The following ADAMTS2 variants were observed in gnomAD, a reference collection of about 807,000 sequenced individuals.
ADAMTS2 encodes the protein A disintegrin and metalloproteinase with thrombospondin motifs 2.
Under a neutral mutation model 123.0 loss-of-function variants are expected in ADAMTS2, and 50 were observed. The ratio of observed to expected loss-of-function variants is 0.41; its 90% CI spans 0.32 to 0.51. ADAMTS2 has a LOEUF of 0.51. Ranked by LOEUF, ADAMTS2 falls within the 20% of genes least tolerant of loss-of-function variation. The pLI is 0.35. For synonymous variants in ADAMTS2, 678 were observed against 695.4 expected, an observed-to-expected ratio of 0.98 and a Z score of 0.39; for missense variants, 1,494 against 1,705.2, an observed-to-expected ratio of 0.88 and a Z score of 2.18.
chr5:179,241,030 G>C (rs1313058918), intron 3 of ADAMTS2, among the ~76,000 whole-genome samples: 1 of 152,216 alleles, frequency 6.6e-6, no homozygotes, highest in Non-Finnish European at 1.5e-5. Flanking sequence ...TTAATGGCAG[G>C]AGTGAGCTTG....
intron 4 of ADAMTS2, among the ~76,000 whole-genome samples, chr5:179,193,669 C>T (rs1363169800): frequency 2.0e-5 from 3 of 152,206 alleles, no homozygotes; most frequent in Non-Finnish European, 4.4e-5. Flanking sequence ...TTCATTTAGT[C>T]ACTTATTCAT....
chr5:179,205,404 T>C (rs894644516), intron 4 of ADAMTS2, among the ~76,000 whole-genome samples: 1 of 152,226 alleles, frequency 6.6e-6, no homozygotes, highest in Non-Finnish European at 1.5e-5. Flanking sequence ...ACTGACATTA[T>C]CTCATGTAAT....
chr5:179,216,530 C>T (rs1246231794), intron 3 of ADAMTS2, among the ~76,000 whole-genome samples: 1 of 152,160 alleles, frequency 6.6e-6, no homozygotes, highest in African/African-American at 2.4e-5. Flanking sequence ...GCGTGGTCCC[C>T]ACCTGGGCCC....
chr5:179,132,451 G>A lies in ADAMTS2; in HGVS notation c.2210-141C>T. On this transcript the variant is annotated intron_variant, in intron 14 of 21. Transcript: ENST00000251582. This position sits in a 1 kb window ranked among gnomAD's most constrained non-coding sequence, Gnocchi z 6.1. ...ACCCTGGTATTTCTCTGGCTTTGAG[G>A]ACCCACCTGAGAGGGGCCACCAGGA... The A allele has an allele frequency of 2.2e-6, 2 of 917,466 alleles. No individual in the cohort carries two copies. Among genetic ancestry groups the A allele is most frequent in the Non-Finnish European group, 3.4e-6 (2 of 583,846 alleles). 56.8% of individuals were successfully genotyped at this position (917,466 alleles called of 1,614,324 possible). A position where few individuals can be genotyped will look rare whatever the true frequency, so the allele number is the denominator to read the frequency against.
At chr5:179,209,109 C>T (rs977921799) in intron 3 of ADAMTS2, among the ~76,000 whole-genome samples, 3 of 152,230 alleles carry the variant, frequency 2.0e-5, no homozygotes, top group African/African-American at 4.8e-5. Flanking sequence ...GCAGGCGGCA[C>T]GGCCACTCGG....
intron 2 of ADAMTS2, among the ~76,000 whole-genome samples, chr5:179,328,606 C>T (rs1236891915): frequency 6.6e-6 from 1 of 152,190 alleles, no homozygotes; most frequent in Admixed American, 6.5e-5. Flanking sequence ...ACTCTGTTTT[C>T]TCCCTGGGAA....
At chr5:179,329,281 A>G (rs539409763) in intron 2 of ADAMTS2, among the ~76,000 whole-genome samples, 20 of 148,686 alleles carry the variant, frequency 1.3e-4, no homozygotes, top group Non-Finnish European at 2.1e-4. Flanking sequence ...GAGCCGAGAT[A>G]GTGCCACTGC....
intron 3 of ADAMTS2, among the ~76,000 whole-genome samples, chr5:179,209,245 G>A (rs774270591): frequency 2.3e-4 from 35 of 152,256 alleles, no homozygotes; most frequent in South Asian, 1.7e-3. Flanking sequence ...TGGCATCCCA[G>A]CATGGCCGAC....
chr5:179,341,714 CAA>C (rs36096225), intron 2 of ADAMTS2, among the ~76,000 whole-genome samples: 4 of 65,124 alleles, frequency 6.1e-5, no homozygotes, highest in Non-Finnish European at 6.8e-5. Flanking sequence ...GACTCCGTCT[CAA>C]AAAAAAAAAA....
chr5:179,282,291 C>T (rs1167495370), intron 2 of ADAMTS2, among the ~76,000 whole-genome samples: 1 of 152,150 alleles, frequency 6.6e-6, no homozygotes, highest in Non-Finnish European at 1.5e-5. Flanking sequence ...GATCTATGAT[C>T]CATCCATTTA....
intron 3 of ADAMTS2, among the ~76,000 whole-genome samples, chr5:179,208,169 G>C: frequency 6.6e-6 from 1 of 151,744 alleles, no homozygotes; most frequent in Non-Finnish European, 1.5e-5. Context: ...GCCCGATGCT[G>C]GAGTGGGTAG....
intron 3 of ADAMTS2, among the ~76,000 whole-genome samples, chr5:179,219,407 G>A (rs1381464779): frequency 1.3e-5 from 2 of 152,228 alleles, no homozygotes; most frequent in East Asian, 3.8e-4. Context: ...AGCCAAATGT[G>A]CTGGCCTGAG....
chr5:179,345,260 C>T lies in ADAMTS2; in HGVS notation c.69G>A (p.Leu23=). The stretch of plus-strand genomic sequence containing the variant: ...GCGGCGGCGGCAGGAGCGGCGGCGG[C>T]AGCAGCAGCAGCAGCAGCAGCAGCG... The part of the protein sequence containing the change: ...CPALLLLLLL[L]PPPLLPPPPP... The change falls in exon 1 of 22, where the codon CTG becomes CTA. Residue 23 remains leucine (L), a synonymous_variant. Coordinates refer to ENST00000251582, the MANE Select transcript of ADAMTS2 (RefSeq NM_014244.5). The surrounding 1 kb of genome is among the most constrained non-coding windows in gnomAD (Gnocchi z 7.5). 1.0e-6 allele frequency: 1 copy of T among 979,844 alleles called. No homozygotes were observed. Among genetic ancestry groups the T allele is most frequent in the Non-Finnish European group, 1.3e-6 (1 of 797,316 alleles). The allele number at this position is 979,844 out of a possible 1,614,324, so 60.7% of individuals were successfully genotyped here.
rs1756718097 is a variant in ADAMTS2 at position 179,307,669 on chromosome 5, A to C, written c.535-34605T>G. Among the ~76,000 whole-genome samples, 1 of 152,052 alleles carries C rather than the reference A, an allele frequency of 6.6e-6. No individual in the cohort carries two copies. Among genetic ancestry groups the C allele is most frequent in the South Asian group, 2.1e-4 (1 of 4,812 alleles). On this transcript the variant is annotated intron_variant, in intron 2 of 21. Transcript: ENST00000251582. The surrounding 1 kb of genome is among the most constrained non-coding windows in gnomAD (Gnocchi z 5.6). ...TCCCCGCTGATTTCTCCTTCACTCAAGTGCCAGCCGTGGAGATCTCCTCTG... is the reference window on the plus strand; with the variant it reads ...TCCCCGCTGATTTCTCCTTCACTCACGTGCCAGCCGTGGAGATCTCCTCTG...
intron 2 of ADAMTS2, among the ~76,000 whole-genome samples, chr5:179,333,500 A>C (rs1462745649): frequency 6.6e-6 from 1 of 152,092 alleles, no homozygotes; most frequent in Non-Finnish European, 1.5e-5. Flanking sequence ...TGCTGTGCAA[A>C]GCTCCTCAAA....
At chr5:179,192,172 A>T (rs149683894) in intron 4 of ADAMTS2, among the ~76,000 whole-genome samples, 1 of 152,322 alleles carries the variant, frequency 6.6e-6, no homozygotes, top group East Asian at 1.9e-4. Flanking sequence ...AAGGCATGAC[A>T]GAGGGCTGCA....
Position 179,128,174 on chromosome 5 carries a change from A to C in ADAMTS2, c.2458-56T>G. ...GACCTGCCCTCCATGCTTCCTCCCC[A>C]GCCAGCTTAGGAACGGCAGCTGAGG... On this transcript the variant is annotated intron_variant, in intron 16 of 21. Transcript: ENST00000251582. The surrounding 1 kb of genome is among the most constrained non-coding windows in gnomAD (Gnocchi z 4.9). 6.2e-7 allele frequency: 1 copy of C among 1,604,294 alleles called. No homozygotes were observed. The highest frequency in any genetic ancestry group is 8.5e-7 in the Non-Finnish European group (1 of 1,177,940).
chr5:179,129,394 A>G lies in ADAMTS2; in HGVS notation c.2457+538T>C, dbSNP rs1208047074. Among the ~76,000 whole-genome samples, 3 of 152,222 alleles carry G rather than the reference A, an allele frequency of 2.0e-5. No homozygotes were observed. The highest frequency in any genetic ancestry group is 7.2e-5 in the African/African-American group (3 of 41,446). On this transcript the variant is annotated intron_variant, in intron 16 of 21. Transcript: ENST00000251582. This position sits in a 1 kb window ranked among gnomAD's most constrained non-coding sequence, Gnocchi z 4.1. The stretch of plus-strand genomic sequence containing the variant: ...TTGTGATATGTACCTTTTTTGACAA[A>G]TAAAATATATCCCTATGCAGTTAAA...
chr5:179,132,140 G>GCCCCCGA lies in ADAMTS2; in HGVS notation c.2290+89_2290+90insTCGGGGG. ...CTCAGGTCATGGCTGCACAACCCGG[G>GCCCCCGA]CCCCTGACCCCTGACCCCTGGCACT... On this transcript the variant is annotated intron_variant, in intron 15 of 21. Transcript: ENST00000251582. This position sits in a 1 kb window ranked among gnomAD's most constrained non-coding sequence, Gnocchi z 6.1. The GCCCCCGA allele has an allele frequency of 7.6e-7, 1 of 1,316,608 alleles. No homozygotes were observed. The highest frequency in any genetic ancestry group is 1.2e-5 in the South Asian group (1 of 82,018). 81.6% of individuals were successfully genotyped at this position (1,316,608 alleles called of 1,614,324 possible). A position where few individuals can be genotyped will look rare whatever the true frequency, so the allele number is the denominator to read the frequency against.
Sources: gnomAD v4.1 joint callset for allele counts (sites outside exome capture counted in the v4.1 genomes callset) on GRCh38, gnomAD v4.1.1 for gene constraint, Gnocchi (gnomAD v3.1) non-coding constraint, MANE v1.5 for transcripts, NCBI Gene and HGNC (gene_info 2026-07-23, HGNC 2026-07-21) for gene names.